The following TNR variants were observed in gnomAD, a reference collection of about 807,000 sequenced individuals.
The protein encoded by TNR is tenascin R, also known as tenascin-R.
Under a neutral mutation model 150.4 loss-of-function variants are expected in TNR, and 45 were observed. The observed-to-expected ratio is 0.30, with a 90% CI of 0.24 to 0.38. The LOEUF (loss-of-function observed/expected upper bound fraction) is 0.38, where lower values mean the gene tolerates loss of function less well. Ranked by LOEUF, TNR falls within the 10% of genes least tolerant of loss-of-function variation. TNR has a pLI of 1.00. For synonymous variants in TNR, 687 were observed against 678.4 expected, an observed-to-expected ratio of 1.01 and a Z score of -0.20; for missense variants, 1,544 against 1,759.1, an observed-to-expected ratio of 0.88 and a Z score of 2.19.
chr1:175,417,933 T>C (rs535326226), intron 2 of TNR, among the ~76,000 whole-genome samples: 2 of 152,206 alleles, frequency 1.3e-5, no homozygotes, highest in Non-Finnish European at 2.9e-5. Context: ...AAAGTTCAGC[T>C]CTAGTGGTCT....
intron 2 of TNR, among the ~76,000 whole-genome samples, chr1:175,525,065 C>T (rs984663465): frequency 3.3e-5 from 5 of 152,142 alleles, no homozygotes; most frequent in African/African-American, 1.2e-4. Context: ...GTGGGAGGTA[C>T]TTGAATCATG....
chr1:175,467,029 G>T lies in TNR; in HGVS notation c.-63-60252C>A, dbSNP rs181785021. Among the ~76,000 whole-genome samples, 127 of 152,182 alleles carry T rather than the reference G, an allele frequency of 8.3e-4. 1 individual carries two copies. The highest frequency in any genetic ancestry group is 2.9e-3 in the African/African-American group (119 of 41,522). ...ATAGAGGCTGGGATTCCAGGGCCTG[G>T]CAAATGATTAATAGGCCTGGCATAT... On this transcript the variant is annotated intron_variant, in intron 2 of 22. Coordinates refer to ENST00000367674, the MANE Select transcript of TNR (RefSeq NM_003285.3).
At chr1:175,333,486 T>C (rs920707529) in intron 20 of TNR, 19 of 152,268 alleles carry the variant, frequency 1.2e-4, no homozygotes, top group Non-Finnish European at 2.6e-4. Flanking sequence ...TTGACTTTTA[T>C]GTCAATGTTT....
chr1:175,455,787 C>G (rs1656549755), intron 2 of TNR, among the ~76,000 whole-genome samples: 1 of 152,134 alleles, frequency 6.6e-6, no homozygotes, highest in African/African-American at 2.4e-5. Flanking sequence ...CCTTGTCAGG[C>G]CCTCCTAAAC....
chr1:175,367,631 GA>G (rs1380328968), intron 9 of TNR, among the ~76,000 whole-genome samples: 1 of 152,124 alleles, frequency 6.6e-6, no homozygotes, highest in East Asian at 1.9e-4. Flanking sequence ...TTGAACCAGC[GA>G]GAGGATTTCT....
In TNR at chr1:175,331,074, T is replaced by TTTCTTTCTTTCC. The variant is rs1557868014; in HGVS notation, c.3632-840_3632-839insGGAAAGAAAGAA. On this transcript the variant is annotated intron_variant, in intron 20 of 22. Coordinates refer to ENST00000367674, the MANE Select transcript of TNR (RefSeq NM_003285.3). ...CTTTCTTTCTTTCTTTCTTTCTTTC[T>TTTCTTTCTTTCC]TTCCTTCTTTCTTTCTTTCTTTCTT... 2.8e-4 allele frequency among the ~76,000 whole-genome samples: 28 copies of TTTCTTTCTTTCC among 101,344 alleles called. 1 individual carries two copies. The highest frequency in any genetic ancestry group is 1.1e-3 in the African/African-American group (26 of 23,600). 66.5% of individuals were successfully genotyped at this position (101,344 alleles called of 152,430 possible).
chr1:175,558,636 G>T (rs998875386), intron 1 of TNR, among the ~76,000 whole-genome samples: 1 of 152,114 alleles, frequency 6.6e-6, no homozygotes, highest in African/African-American at 2.4e-5. Flanking sequence ...CACCGTTATT[G>T]ATCCCATGGG....
At chr1:175,572,030 G>A (rs1235574084) in intron 1 of TNR, among the ~76,000 whole-genome samples, 1 of 152,090 alleles carries the variant, frequency 6.6e-6, no homozygotes, top group Non-Finnish European at 1.5e-5. Flanking sequence ...CATGATGCCT[G>A]CAGTCTCATG....
chr1:175,374,268 C>A (rs1287211895), intron 9 of TNR, among the ~76,000 whole-genome samples: 3 of 152,162 alleles, frequency 2.0e-5, no homozygotes, highest in African/African-American at 7.2e-5. Context: ...GAGGAGCCGA[C>A]CTTCTCACCA....
chr1:175,401,790 T>C (rs1352715273), intron 4 of TNR, among the ~76,000 whole-genome samples: 3 of 152,226 alleles, frequency 2.0e-5, no homozygotes, highest in Non-Finnish European at 2.9e-5. Flanking sequence ...ACATGACTTA[T>C]CAGCAAATTC....
At chr1:175,651,721 G>A (rs190234847) in intron 1 of TNR, among the ~76,000 whole-genome samples, 320 of 151,972 alleles carry the variant, frequency 2.1e-3, no homozygotes, top group African/African-American at 7.5e-3. Context: ...CATTTCATGA[G>A]GCTAATATTA....
chr1:175,603,154 C>T (rs1171914547), intron 1 of TNR, among the ~76,000 whole-genome samples: 1 of 152,194 alleles, frequency 6.6e-6, no homozygotes, highest in Non-Finnish European at 1.5e-5. Context: ...CCAAGGTCCA[C>T]CAGCTATGTG....
intron 2 of TNR, among the ~76,000 whole-genome samples, chr1:175,504,718 A>G (rs931115259): frequency 2.0e-5 from 3 of 152,162 alleles, no homozygotes; most frequent in Admixed American, 1.3e-4. Flanking sequence ...AGCTCCAGGA[A>G]AGCTAGGTCA....
At chr1:175,505,640 T>C (rs575808862) in intron 2 of TNR, among the ~76,000 whole-genome samples, 24 of 152,372 alleles carry the variant, frequency 1.6e-4, no homozygotes, top group African/African-American at 5.0e-4. Context: ...CTGCCATTGA[T>C]TGGCTGTGTG....
At chr1:175,546,680 G>T (rs1660701535) in intron 1 of TNR, among the ~76,000 whole-genome samples, 1 of 152,200 alleles carries the variant, frequency 6.6e-6, no homozygotes, top group African/African-American at 2.4e-5. Context: ...TGTGGGACAT[G>T]GTGTGAGTTG....
At chr1:175,563,350 G>C (rs1264195633) in intron 1 of TNR, among the ~76,000 whole-genome samples, 6 of 152,224 alleles carry the variant, frequency 3.9e-5, no homozygotes, top group African/African-American at 1.4e-4. Flanking sequence ...ATTACTTGCA[G>C]TATTTTCTGG....
intron 1 of TNR, among the ~76,000 whole-genome samples, chr1:175,573,121 A>G (rs7354864): frequency 0.13 from 20,368 of 152,232 alleles, 1,903 homozygotes; most frequent in African/African-American, 0.26. Context: ...GCCTAAGCAG[A>G]CGTTGACCAT....
rs10912960 is a variant in TNR, at chr1:175,335,835, C to G, written c.3535-28G>C. Reference sequence around the variant, plus strand: ...ATGAAGGAAATAAAAAAACAAAAAACAAACAAACAAAAAAACAAAACCCAA... The same window carrying G: ...ATGAAGGAAATAAAAAAACAAAAAAGAAACAAACAAAAAAACAAAACCCAA... On this transcript the variant is annotated intron_variant, in intron 19 of 22. Coordinates refer to ENST00000367674, the MANE Select transcript of TNR (RefSeq NM_003285.3). 15,517 of 1,589,346 alleles carry G rather than the reference C, an allele frequency of 9.8e-3. 426 individuals are homozygous for G. Among genetic ancestry groups the G allele is most frequent in the African/African-American group, 0.096 (7,025 of 73,320 alleles).
intron 2 of TNR, among the ~76,000 whole-genome samples, chr1:175,429,883 T>C (rs901284721): frequency 1.3e-5 from 2 of 152,162 alleles, no homozygotes; most frequent in African/African-American, 4.8e-5. Context: ...AAATAAGTGA[T>C]ATGCGTGTCT....
Sources: allele counts gnomAD v4.1 joint callset (sites outside exome capture counted in the v4.1 genomes callset), GRCh38; gene constraint gnomAD v4.1.1; transcripts MANE v1.5; gene names NCBI Gene and HGNC (gene_info 2026-07-23, HGNC 2026-07-21).